Variants in ITPR2 observed in about 807,000 individuals in gnomAD.
The protein encoded by ITPR2 is inositol 1,4,5-trisphosphate-gated calcium channel ITPR2.
ITPR2 carries 207 observed loss-of-function variants against 317.1 expected under a neutral mutation model. The ratio of observed to expected loss-of-function variants is 0.65; its 90% CI spans 0.58 to 0.73. ITPR2 has a LOEUF of 0.73. Among genes scored for constraint, ITPR2 ranks in the 30% least tolerant of loss-of-function variants. The probability of loss-of-function intolerance (pLI) is 0.00; values close to 1 mark genes in which losing one functional copy is unlikely to be tolerated. For synonymous variants in ITPR2, 1,156 were observed against 1,149.1 expected, an observed-to-expected ratio of 1.01 and a Z score of -0.12; for missense variants, 2,613 against 3,284.0, an observed-to-expected ratio of 0.80 and a Z score of 4.99.
intron 45 of ITPR2, among the ~76,000 whole-genome samples, chr12:26,466,739 G>T (rs1410461683): frequency 6.6e-6 from 1 of 152,150 alleles, no homozygotes; most frequent in East Asian, 1.9e-4. Context: ...GAAGTTAAGT[G>T]ATGTAAATAG....
At chr12:26,463,240 A>T (rs548857013) in intron 45 of ITPR2, among the ~76,000 whole-genome samples, 1 of 152,298 alleles carries the variant, frequency 6.6e-6, no homozygotes, top group South Asian at 2.1e-4. Context: ...TCATTTTAAG[A>T]CTTATAACAT....
chr12:26,590,429 C>T (rs2137099464), intron 32 of ITPR2, among the ~76,000 whole-genome samples: 1 of 152,142 alleles, frequency 6.6e-6, no homozygotes, highest in African/African-American at 2.4e-5. Context: ...GACACATAGA[C>T]CAATGGAACA....
intron 2 of ITPR2, among the ~76,000 whole-genome samples, chr12:26,760,833 A>G (rs1949618231): frequency 6.6e-6 from 1 of 152,204 alleles, no homozygotes; most frequent in Non-Finnish European, 1.5e-5. Context: ...TCTATTAGGA[A>G]TGTGCCATGG....
At chr12:26,811,036 C>CA (rs79796097) in intron 1 of ITPR2, among the ~76,000 whole-genome samples, 1,286 of 108,186 alleles carry the variant, frequency 0.012, 34 homozygotes, top group African/African-American at 0.045. Flanking sequence ...TTTTAAGTTA[C>CA]AAAAAAAAAA....
At chr12:26,802,075 G>C (rs1950564687) in intron 1 of ITPR2, among the ~76,000 whole-genome samples, 1 of 152,108 alleles carries the variant, frequency 6.6e-6, no homozygotes, top group Admixed American at 6.5e-5. Flanking sequence ...TGAGGTGAGA[G>C]GATCACTTGA....
chr12:26,379,592 C>G (rs1397194441), intron 55 of ITPR2, among the ~76,000 whole-genome samples: 2 of 152,076 alleles, frequency 1.3e-5, no homozygotes, highest in South Asian at 2.1e-4. Flanking sequence ...TCCAAATACG[C>G]CCTCCCCCTA....
At chr12:26,765,990 G>C (rs754448159) in intron 2 of ITPR2, among the ~76,000 whole-genome samples, 1 of 152,094 alleles carries the variant, frequency 6.6e-6, no homozygotes, top group Non-Finnish European at 1.5e-5. Flanking sequence ...ACATCTTATG[G>C]CTAAATAATG....
chr12:26,569,915 A>G (rs942647867), intron 34 of ITPR2, among the ~76,000 whole-genome samples: 1 of 152,218 alleles, frequency 6.6e-6, no homozygotes, highest in Non-Finnish European at 1.5e-5. Context: ...CAAAAAGTCT[A>G]TTCCTAGGTA....
intron 45 of ITPR2, among the ~76,000 whole-genome samples, chr12:26,467,367 C>T (rs1171635647): frequency 6.6e-6 from 1 of 151,664 alleles, no homozygotes; most frequent in Non-Finnish European, 1.5e-5. Context: ...ATCTCTCTCT[C>T]TCTCTCTTTC....
At chr12:26,378,390 A>G (rs1208990442) in intron 55 of ITPR2, among the ~76,000 whole-genome samples, 1 of 152,114 alleles carries the variant, frequency 6.6e-6, no homozygotes, top group Non-Finnish European at 1.5e-5. Context: ...TTTTGAGAAA[A>G]GAAGGGCCAA....
intron 26 of ITPR2, among the ~76,000 whole-genome samples, chr12:26,610,727 G>T (rs1591959550): frequency 1.3e-5 from 2 of 152,276 alleles, no homozygotes; most frequent in African/African-American, 4.8e-5. Context: ...TTTGTAAGTA[G>T]GTATGTTTAA....
At chr12:26,400,297 T>C (rs1940132219) in intron 52 of ITPR2, 39 bp from the exon 53 acceptor site, 1 of 1,165,500 alleles carries the variant, frequency 8.6e-7, no homozygotes, top group Non-Finnish European at 1.1e-6. Flanking sequence ...TAAAATTATG[T>C]AAAAATATAT....
chr12:26,502,646 C>T (rs1364369587), intron 37 of ITPR2, among the ~76,000 whole-genome samples: 1 of 152,168 alleles, frequency 6.6e-6, no homozygotes, highest in Non-Finnish European at 1.5e-5. Context: ...TCTGCAAAGA[C>T]TATGTTGCTG....
At position 26,817,215 on chromosome 12, in the gene ITPR2, C is replaced by T. The variant is rs574760663; in HGVS notation, c.92+15475G>A. ...AAAAAAAAAAAAAGGGCAGTACGAA[C>T]AAAGCACAGAGCTAGAGGAAGGAGA... is the stretch of plus-strand genomic sequence containing the variant. On this transcript the variant is annotated intron_variant, in intron 1 of 56. Transcript: ENST00000381340. Among the ~76,000 whole-genome samples, 265 of 128,366 alleles carry T rather than the reference C, an allele frequency of 2.1e-3. 8 individuals are homozygous for T. The South Asian group carries it at 0.055, about 27-fold the overall frequency. The allele number at this position is 128,366 out of a possible 152,430, so 84.2% of individuals were successfully genotyped here.
At chr12:26,495,924 A>C (rs1489654259) in intron 37 of ITPR2, among the ~76,000 whole-genome samples, 1 of 152,224 alleles carries the variant, frequency 6.6e-6, no homozygotes, top group East Asian at 1.9e-4. Flanking sequence ...TTTATTCAGA[A>C]GACTGTGGGC....
chr12:26,698,072 T>C (rs2136995426), intron 9 of ITPR2, among the ~76,000 whole-genome samples: 1 of 152,084 alleles, frequency 6.6e-6, no homozygotes, highest in Middle Eastern at 3.4e-3. Flanking sequence ...AACCAACTAA[T>C]GAGGGACCAG....
chr12:26,704,081 C>A (rs1948504455), intron 9 of ITPR2, among the ~76,000 whole-genome samples: 1 of 152,120 alleles, frequency 6.6e-6, no homozygotes. Context: ...TTCTAAAATG[C>A]TCAATGAACT....
chr12:26,787,092 G>A (rs559067417), intron 2 of ITPR2, among the ~76,000 whole-genome samples: 25 of 152,214 alleles, frequency 1.6e-4, no homozygotes, highest in Admixed American at 3.9e-4. Flanking sequence ...TATGCAAAAG[G>A]ATGAGGCACT....
intron 2 of ITPR2, among the ~76,000 whole-genome samples, chr12:26,729,189 G>A (rs563137043): frequency 1.3e-5 from 2 of 151,798 alleles, no homozygotes; most frequent in Admixed American, 1.3e-4. Flanking sequence ...ACATACATGC[G>A]GCCAACAATC....
Sources: allele counts gnomAD v4.1 joint callset (sites outside exome capture counted in the v4.1 genomes callset), GRCh38; gene constraint gnomAD v4.1.1; transcripts MANE v1.5; gene names NCBI Gene and HGNC (gene_info 2026-07-23, HGNC 2026-07-21).